The following NETO1 variants were observed in gnomAD, a reference collection of about 807,000 sequenced individuals.
NETO1 encodes the protein neuropilin and tolloid-like protein 1.
In NETO1, 26 loss-of-function variants were observed where a neutral mutation model predicts 61.3. The observed-to-expected ratio is 0.42, with a 90% CI of 0.31 to 0.59. The LOEUF (loss-of-function observed/expected upper bound fraction) is 0.59. Ranked by LOEUF, NETO1 falls within the 20% of genes least tolerant of loss-of-function variation. The pLI, the probability that NETO1 is intolerant of heterozygous loss-of-function variation, is 0.12. For synonymous variants in NETO1, 225 were observed against 225.8 expected, an observed-to-expected ratio of 1.00 and a Z score of 0.03; for missense variants, 531 against 662.8, an observed-to-expected ratio of 0.80 and a Z score of 2.18.
rs1215799854 is a variant in NETO1, at chr18:72,803,130, A to G, written c.470-8726T>C. Reference sequence around the variant, plus strand: ...TGTTGATTTTTAAGAAAAACAACCGACAATATTTGTTGCCAATGATAAAAT... The same window carrying G: ...TGTTGATTTTTAAGAAAAACAACCGGCAATATTTGTTGCCAATGATAAAAT... On this transcript the variant is annotated intron_variant, in intron 4 of 10. Coordinates refer to ENST00000327305, the MANE Select transcript of NETO1 (RefSeq NM_138966.5). Among the ~76,000 whole-genome samples, 7 of 152,342 alleles carry G rather than the reference A, an allele frequency of 4.6e-5. No individual in the cohort carries two copies. The East Asian group carries it at 1.2e-3, about 25-fold the overall frequency.
chr18:72,748,366 GA>G, intron 10 of NETO1: 1 of 878,742 alleles, frequency 1.1e-6, no homozygotes. Context: ...AAACAATCAA[GA>G]GCAAAAAGTA....
chr18:72,763,908 C>T (rs2071065488), intron 7 of NETO1, among the ~76,000 whole-genome samples: 1 of 152,120 alleles, frequency 6.6e-6, no homozygotes, highest in Non-Finnish European at 1.5e-5. Context: ...CCTCAGGAAA[C>T]TTACAGTGTC....
At chr18:72,765,450 A>T (rs1309854592) in intron 7 of NETO1, among the ~76,000 whole-genome samples, 2 of 151,908 alleles carry the variant, frequency 1.3e-5, no homozygotes, top group Non-Finnish European at 2.9e-5. Context: ...ATGAAGTCTC[A>T]CTCTGTTGTC....
intron 4 of NETO1, among the ~76,000 whole-genome samples, chr18:72,815,940 C>T (rs1261649458): frequency 6.6e-6 from 1 of 152,106 alleles, no homozygotes; most frequent in East Asian, 1.9e-4. Flanking sequence ...GAGTACTCAA[C>T]AGAATGTTGA....
chr18:72,862,104 T>C (rs1181416505), intron 3 of NETO1, among the ~76,000 whole-genome samples: 1 of 152,144 alleles, frequency 6.6e-6, no homozygotes, highest in African/African-American at 2.4e-5. Context: ...TTATGTGTTA[T>C]TTTCTGGAAA....
chr18:72,783,727 C>T lies in NETO1; in HGVS notation c.819G>A (p.Glu273=). ...GLGVIRMWAD[E]GSRNSRFQML... Reference sequence around the variant, plus strand: ...TCTGAAATCGGCTGTTTCGACTGCCCTCATCTGCCCACATGCGGATCACCC... The same window carrying T: ...TCTGAAATCGGCTGTTTCGACTGCCTTCATCTGCCCACATGCGGATCACCC... Residue 273 remains glutamate, a synonymous_variant, in exon 7 of 11, where the codon GAG becomes GAA. Coordinates refer to ENST00000327305, the MANE Select transcript of NETO1 (RefSeq NM_138966.5). 1 of 1,614,112 alleles carries T rather than the reference C, an allele frequency of 6.2e-7. No homozygotes were observed.
chr18:72,859,063 G>T lies in NETO1; in HGVS notation c.232C>A (p.Gln78Lys). ...CIYIIEAAPR[Q>K]CIELYFDEKY... The stretch of plus-strand genomic sequence containing the variant: ...TCATCAAAGTAAAGTTCAATGCACT[G>T]TCTTGGAGCGGCTGTAAAGAAGAAA... Residue 78 changes from glutamine (Q) to lysine (K), a missense_variant, in exon 4 of 11, where the codon CAG becomes AAG. By Grantham distance (53) the Gln-to-Lys change is moderately conservative. Coordinates refer to ENST00000327305, the MANE Select transcript of NETO1 (RefSeq NM_138966.5). 6.3e-7 allele frequency: 1 copy of T among 1,596,832 alleles called. No individual in the cohort carries two copies. The highest frequency in any genetic ancestry group is 1.3e-5 in the African/African-American group (1 of 74,164).
chr18:72,779,839 GT>G (rs959759615), intron 7 of NETO1, among the ~76,000 whole-genome samples: 1 of 152,140 alleles, frequency 6.6e-6, no homozygotes, highest in African/African-American at 2.4e-5. Flanking sequence ...ACAGGGTTTT[GT>G]TTCCCACGGT....
chr18:72,761,648 C>T (rs1344833480), intron 7 of NETO1, among the ~76,000 whole-genome samples: 2 of 152,060 alleles, frequency 1.3e-5, no homozygotes, highest in East Asian at 3.8e-4. Flanking sequence ...GTAAATGATC[C>T]GATAGAATTG....
At chr18:72,828,234 C>A (rs919213371) in intron 4 of NETO1, among the ~76,000 whole-genome samples, 1 of 152,086 alleles carries the variant, frequency 6.6e-6, no homozygotes, top group African/African-American at 2.4e-5. Context: ...TCGCTTGAAC[C>A]CAGGAGGCGA....
intron 1 of NETO1, chr18:72,865,844 G>A (rs186186835): frequency 2.1e-5 from 12 of 580,364 alleles, no homozygotes; most frequent in Admixed American, 3.2e-5. Context: ...AAGTAACCCC[G>A]TCCCTCAGCA....
chr18:72,831,167 C>T (rs1475280139), intron 4 of NETO1, among the ~76,000 whole-genome samples: 1 of 152,158 alleles, frequency 6.6e-6, no homozygotes, highest in Non-Finnish European at 1.5e-5. Flanking sequence ...TCGTCCTTCT[C>T]GATATTTCTT....
rs187387887 is a variant in NETO1 at position 72,862,572 on chromosome 18, T to C, written c.220+2236A>G. On this transcript the variant is annotated intron_variant, in intron 3 of 10. Transcript: ENST00000327305. ...AACAAATATTAGAACAGTCCCAGGA[T>C]ACCCTATTCTCTGATCCCCTGATCC... Among the ~76,000 whole-genome samples the C allele has an allele frequency of 1.3e-3, 190 of 151,946 alleles. 1 individual carries two copies. The highest frequency in any genetic ancestry group is 1.8e-3 in the Non-Finnish European group (119 of 67,974).
In NETO1 at chr18:72,830,196, G is replaced by A. The variant is rs1005487117; in HGVS notation, c.469+28630C>T. 3.3e-5 allele frequency among the ~76,000 whole-genome samples: 5 copies of A among 152,016 alleles called. No individual in the cohort carries two copies. The highest frequency in any genetic ancestry group is 2.1e-4 in the South Asian group (1 of 4,820). ...CCGTCCACAGCATAGAGGAAGCGGCGGCACAGGGAAGGAAGCAGCCCTCCC... is the reference window on the plus strand; with the variant it reads ...CCGTCCACAGCATAGAGGAAGCGGCAGCACAGGGAAGGAAGCAGCCCTCCC... On this transcript the variant is annotated intron_variant, in intron 4 of 10. Transcript: ENST00000327305. The surrounding 1 kb of genome is among the most constrained non-coding windows in gnomAD (Gnocchi z 4.9).
At chr18:72,864,529 T>G (rs2074675312) in intron 3 of NETO1, among the ~76,000 whole-genome samples, 1 of 152,268 alleles carries the variant, frequency 6.6e-6, no homozygotes, top group Admixed American at 6.5e-5. Context: ...TTCTACTGCA[T>G]GAGAACTCTA....
At chr18:72,850,285 G>A (rs1450126125) in intron 4 of NETO1, among the ~76,000 whole-genome samples, 1 of 152,170 alleles carries the variant, frequency 6.6e-6, no homozygotes, top group Non-Finnish European at 1.5e-5. Flanking sequence ...TTAAATAAGT[G>A]TAGGTGGCTA....
intron 4 of NETO1, among the ~76,000 whole-genome samples, chr18:72,797,057 C>T (rs1202692008): frequency 1.3e-5 from 2 of 152,156 alleles, no homozygotes; most frequent in Admixed American, 6.5e-5. Flanking sequence ...TTTCCATCAA[C>T]CTTGATGACC....
chr18:72,789,095 C>T (rs1467720699), intron 6 of NETO1, among the ~76,000 whole-genome samples: 1 of 152,016 alleles, frequency 6.6e-6, no homozygotes, highest in Non-Finnish European at 1.5e-5. Context: ...ATTGACCAGA[C>T]ATGTCAGGTT....
intron 4 of NETO1, among the ~76,000 whole-genome samples, chr18:72,858,575 T>C (rs777678085): frequency 2.0e-5 from 3 of 152,194 alleles, no homozygotes; most frequent in Non-Finnish European, 2.9e-5. Context: ...AAAAGTCCAC[T>C]TGATGATGTG....
Sources: gnomAD v4.1 joint callset for allele counts (sites outside exome capture counted in the v4.1 genomes callset) on GRCh38, gnomAD v4.1.1 for gene constraint, Gnocchi (gnomAD v3.1) non-coding constraint, MANE v1.5 for transcripts, NCBI Gene and HGNC (gene_info 2026-07-23, HGNC 2026-07-21) for gene names.